The following TOMM40L variants were observed in gnomAD, a reference collection of about 807,000 sequenced individuals.
The protein encoded by TOMM40L is mitochondrial import receptor subunit TOM40B.
TOMM40L carries 17 observed loss-of-function variants against 38.3 expected under a neutral mutation model. The observed-to-expected ratio is 0.44, with a 90% confidence interval of 0.30 to 0.67. The LOEUF is 0.67. Among genes scored for constraint, TOMM40L ranks in the 30% least tolerant of loss-of-function variants. The pLI, the probability that TOMM40L is intolerant of heterozygous loss-of-function variation, is 0.08. For missense variants in TOMM40L, 294 were observed against 390.0 expected, an observed-to-expected ratio of 0.75 and a Z score of 2.07; for synonymous variants, 151 against 150.2, an observed-to-expected ratio of 1.01 and a Z score of -0.04.
At position 161,228,771 on chromosome 1, in the gene TOMM40L, C is replaced by T; in HGVS notation, c.741C>T (p.Ser247=). The T allele has an allele frequency of 6.2e-7, 1 of 1,614,150 alleles. No homozygotes were observed. Among genetic ancestry groups the T allele is most frequent in the East Asian group, 2.2e-5 (1 of 44,882 alleles). The part of the protein sequence containing the change: ...ANTRLQDTTF[S]FGYHLTLPQA... The stretch of plus-strand genomic sequence containing the variant: ...CAAGGCTACAAGACACAACATTCTC[C>T]TTTGGTTACCACCTGACTCTGCCCC... The change falls in exon 9 of 10, where the codon TCC becomes TCT. Residue 247 remains serine, a synonymous_variant. Coordinates refer to ENST00000367988, the MANE Select transcript of TOMM40L (RefSeq NM_032174.6).
At chr1:161,228,098 C>G in intron 6 of TOMM40L, 88 bp from the exon 7 acceptor site, 1 of 1,585,480 alleles carries the variant, frequency 6.3e-7, no homozygotes, top group East Asian at 2.2e-5. Flanking sequence ...ACTTCTTGGG[C>G]AGGCTGGGGT....
In TOMM40L at chr1:161,226,509, T is replaced by G; in HGVS notation, c.20T>G (p.Leu7Arg). 6.2e-7 allele frequency: 1 copy of G among 1,614,038 alleles called. No individual in the cohort carries two copies. ...ACTAAAATGGGGAACACATTGGGCC[T>G]GGCACCAATGGGGACTTTGCCCCGC... MGNTLG[L>R]APMGTLPRRS... The change falls in exon 2 of 10, where the codon CTG becomes CGG. Residue 7 changes from leucine to arginine, a missense_variant. Leu to Arg is a moderately radical substitution (Grantham distance 102). Transcript: ENST00000367988.
In TOMM40L at chr1:161,229,166, C is replaced by A; in HGVS notation, c.*71C>A. ...GGTGCCCTAGGGCCAAAGACTAGGC[C>A]CCTCTTCAGAGCCCACCTTGCTGGG... On this transcript the variant is annotated 3_prime_UTR_variant, in exon 10 of 10. Coordinates refer to ENST00000367988, the MANE Select transcript of TOMM40L (RefSeq NM_032174.6). 1.9e-6 allele frequency: 3 copies of A among 1,608,154 alleles called. No homozygotes were observed. The highest frequency in any genetic ancestry group is 2.6e-6 in the Non-Finnish European group (3 of 1,176,162).
At chr1:161,227,398 A>AT (rs1666418061) in intron 4 of TOMM40L, 48 bp downstream of exon 4, 1 of 1,567,110 alleles carries the variant, frequency 6.4e-7, no homozygotes, top group Admixed American at 1.7e-5. Context: ...CCAATCTGGG[A>AT]CCCAGGTCTG....
rs775973782 is a variant in TOMM40L, at chr1:161,230,449, C to T, written c.*1354C>T. The T allele has an allele frequency of 2.2e-6, 1 of 451,306 alleles. No individual in the cohort carries two copies. The highest frequency in any genetic ancestry group is 3.9e-6 in the Non-Finnish European group (1 of 255,802). 28.0% of individuals were successfully genotyped at this position (451,306 alleles called of 1,614,324 possible). A position where few individuals can be genotyped will look rare whatever the true frequency, so the allele number is the denominator to read the frequency against. On this transcript the variant is annotated 3_prime_UTR_variant, in exon 10 of 10. Coordinates refer to ENST00000367988, the MANE Select transcript of TOMM40L (RefSeq NM_032174.6). The stretch of plus-strand genomic sequence containing the variant: ...GAAATCGAAGGAATTGGCCCAATGG[C>T]GAGGAGAGGAAAGGCCAAGGGAAGA...
rs1328321364 is a variant in TOMM40L at position 161,227,033 on chromosome 1, C to G, written c.183+78C>G. 8.5e-6 allele frequency: 13 copies of G among 1,537,906 alleles called. No homozygotes were observed. In the South Asian group the frequency reaches 1.5e-4, roughly 18 times the overall value. On this transcript the variant is annotated intron_variant, in intron 3 of 9. Coordinates refer to ENST00000367988, the MANE Select transcript of TOMM40L (RefSeq NM_032174.6). ...ATCATCTTCTCCTTTCCTTTGTACT[C>G]CAGCCCTAGCCAGTCTATGTGGGAC...
At position 161,228,318 on chromosome 1, in the gene TOMM40L, G is replaced by A. The variant is rs186166605; in HGVS notation, c.607+10G>A. Reference sequence around the variant, plus strand: ...GCTGGGAAGTACTCGGGTATGGGGCGAAGTGAAGTAGTGGTGGTGGTGGGG... The same window carrying A: ...GCTGGGAAGTACTCGGGTATGGGGCAAAGTGAAGTAGTGGTGGTGGTGGGG... On this transcript the variant is annotated intron_variant, in intron 7 of 9. Coordinates refer to ENST00000367988, the MANE Select transcript of TOMM40L (RefSeq NM_032174.6). 106 of 1,607,296 alleles carry A rather than the reference G, an allele frequency of 6.6e-5. No homozygotes were observed. In the African/African-American group the frequency reaches 1.3e-3, roughly 19 times the overall value.
Position 161,229,170 on chromosome 1 carries a change from C to G in TOMM40L, c.*75C>G. 1 of 1,601,466 alleles carries G rather than the reference C, an allele frequency of 6.2e-7. No homozygotes were observed. The highest frequency in any genetic ancestry group is 8.5e-7 in the Non-Finnish European group (1 of 1,170,948). The stretch of plus-strand genomic sequence containing the variant: ...CCCTAGGGCCAAAGACTAGGCCCCT[C>G]TTCAGAGCCCACCTTGCTGGGTGAT... On this transcript the variant is annotated 3_prime_UTR_variant, in exon 10 of 10. Transcript: ENST00000367988.
Position 161,226,936 on chromosome 1 carries a change from T to G in TOMM40L, c.164T>G (p.Val55Gly), listed in dbSNP as rs1470844251. ...GGAGTGAAGCTCGTTGTCAACAAGG[T>G]TCTGAGCAGCCATTTCCAGGTGCTC... ...MEGVKLVVNK[V>G]LSSHFQVAHT... is the part of the protein sequence containing the mutation. Residue 55 changes from valine to glycine, a missense_variant, in exon 3 of 10, where the codon GTT (valine) becomes GGT (glycine). Physicochemically the swap from Val to Gly is moderately radical, Grantham distance 109 (BLOSUM62 -3). Coordinates refer to ENST00000367988, the MANE Select transcript of TOMM40L (RefSeq NM_032174.6). The G allele has an allele frequency of 6.2e-7, 1 of 1,614,116 alleles. No individual in the cohort carries two copies. Among genetic ancestry groups the G allele is most frequent in the East Asian group, 2.2e-5 (1 of 44,888 alleles).
chr1:161,227,671 T>C lies in TOMM40L; in HGVS notation c.312T>C (p.Ser104=), dbSNP rs754397541. Residue 104 remains serine, a synonymous_variant, in exon 5 of 10, where the codon AGT becomes AGC. Transcript: ENST00000367988. Reference sequence around the variant, plus strand: ...CTGTGGTAGGGGATATGGACAGCAGTGGCAGCCTGAACGCCCAGGTCTTGC... The same window carrying C: ...CTGTGGTAGGGGATATGGACAGCAGCGGCAGCCTGAACGCCCAGGTCTTGC... ...FPTVVGDMDS[S]GSLNAQVLLL... The C allele has an allele frequency of 6.8e-6, 11 of 1,613,530 alleles. No individual in the cohort carries two copies. The South Asian group carries it at 8.8e-5, about 13-fold the overall frequency.
chr1:161,227,448 C>G, intron 4 of TOMM40L, 98 bp downstream of exon 4: 1 of 1,222,750 alleles, frequency 8.2e-7, no homozygotes, highest in East Asian at 2.5e-5. Context: ...AGGAATGGGC[C>G]GTAACCTGAT....
chr1:161,228,106 G>T, intron 6 of TOMM40L, 80 bp from the exon 7 acceptor site: 26 of 1,583,100 alleles, frequency 1.6e-5, no homozygotes, highest in Non-Finnish European at 2.2e-5. Flanking sequence ...GGCAGGCTGG[G>T]GTGGCGGTTA....
chr1:161,228,607 G>T (rs904710194), intron 8 of TOMM40L, 103 bp downstream of exon 8: 3 of 1,557,860 alleles, frequency 1.9e-6, no homozygotes, highest in Non-Finnish European at 2.6e-6. Context: ...TTCCTACCAC[G>T]CTGTGTATAT....
chr1:161,229,089 G>A lies in TOMM40L; in HGVS notation c.921G>A (p.Val307=), dbSNP rs761654603. The A allele has an allele frequency of 1.7e-5, 28 of 1,614,042 alleles. No homozygotes were observed. The highest frequency in any genetic ancestry group is 3.3e-4 in the Middle Eastern group (2 of 6,084). Reference sequence around the variant, plus strand: ...TCCATTGTGGCTTCAGCATCACTGTGGGCTGAGGTTGTCCAGAGCCAGCCC... The same window carrying A: ...TCCATTGTGGCTTCAGCATCACTGTAGGCTGAGGTTGTCCAGAGCCAGCCC... The part of the protein sequence containing the change: ...NRFHCGFSIT[V]G Residue 307 remains valine, a synonymous_variant, in exon 10 of 10, where the codon GTG becomes GTA. Transcript: ENST00000367988.
chr1:161,227,805 G>T lies in TOMM40L; in HGVS notation c.378+68G>T. 6 of 1,604,420 alleles carry T rather than the reference G, an allele frequency of 3.7e-6. No individual in the cohort carries two copies. In the South Asian group the frequency reaches 6.6e-5, roughly 18 times the overall value. On this transcript the variant is annotated intron_variant, in intron 5 of 9. Transcript: ENST00000367988. Reference sequence around the variant, plus strand: ...TTCTCCTCCACGGGTTTCCTGCTCTGAGGGCTTGGAAGGAGGAGCAGAGTC... The same window carrying T: ...TTCTCCTCCACGGGTTTCCTGCTCTTAGGGCTTGGAAGGAGGAGCAGAGTC...
At chr1:161,226,631 A>G (rs1190636770) in intron 2 of TOMM40L, 27 bp downstream of exon 2, 1 of 1,593,620 alleles carries the variant, frequency 6.3e-7, no homozygotes, top group Non-Finnish European at 8.6e-7. Flanking sequence ...TGGGTGTCTC[A>G]GGATGAAGGG....
Position 161,230,698 on chromosome 1 carries a change from G to A in TOMM40L, c.*1603G>A. 4 of 1,436,956 alleles carry A rather than the reference G, an allele frequency of 2.8e-6. No individual in the cohort carries two copies. Among genetic ancestry groups the A allele is most frequent in the Non-Finnish European group, 3.8e-6 (4 of 1,044,776 alleles). The allele number at this position is 1,436,956 out of a possible 1,614,324, so 89.0% of individuals were successfully genotyped here. On this transcript the variant is annotated 3_prime_UTR_variant, in exon 10 of 10. Transcript: ENST00000367988. ...GCCAGGGGGAAGGACTAGACCCCAC[G>A]ATACCTGAATTCCCTAAGGAAAGGA...
Position 161,227,289 on chromosome 1 carries a change from G to A in TOMM40L, c.215G>A (p.Gly72Asp). The A allele has an allele frequency of 1.2e-6, 2 of 1,614,138 alleles. No homozygotes were observed. Among genetic ancestry groups the A allele is most frequent in the Non-Finnish European group, 1.7e-6 (2 of 1,180,030 alleles). ...CACACTATACACATGAGTGCCCTGG[G>A]CTTGCCGGGATATCACCTCCATGCG... ...VAHTIHMSAL[G>D]LPGYHLHAAY... is the part of the protein sequence containing the mutation. The change falls in exon 4 of 10, where the codon GGC becomes GAC. Residue 72 changes from glycine (G) to aspartate (D), a missense_variant. Gly to Asp is a moderately conservative substitution (Grantham distance 94). Transcript: ENST00000367988.
chr1:161,227,860 T>C, intron 5 of TOMM40L, 24 bp from the exon 6 acceptor site: 1 of 1,613,138 alleles, frequency 6.2e-7, no homozygotes, highest in Non-Finnish European at 8.5e-7. Flanking sequence ...GAGGGAGATT[T>C]TACTTCTTGC....
Sources: allele counts gnomAD v4.1 joint callset, GRCh38; gene constraint gnomAD v4.1.1; transcripts MANE v1.5; gene names NCBI Gene and HGNC (gene_info 2026-07-23, HGNC 2026-07-21).